Variants in PCDHA9 observed in about 807,000 individuals in gnomAD.
PCDHA9 encodes the protein protocadherin alpha 9.
A neutral mutation model predicts 62.0 loss-of-function variants in PCDHA9; 62 were observed. That is an observed-to-expected ratio of 1.00 (90% CI 0.81 to 1.23). PCDHA9 has a LOEUF of 1.23. Among genes scored for constraint, PCDHA9 ranks in the 50% most tolerant of loss-of-function variants. PCDHA9 has a pLI of 0.00. For missense variants in PCDHA9, 1,205 were observed against 1,249.8 expected (o/e 0.96, Z 0.54); for synonymous variants, 557 against 567.6 (o/e 0.98, Z 0.27).
chr5:140,852,333 A>G, intron 1 of PCDHA9: 1 of 262,614 alleles, frequency 3.8e-6, no homozygotes, highest in Non-Finnish European at 6.4e-6. Context: ...GCTGGAGTAC[A>G]GTGGCATGAT....
chr5:140,870,595 T>C, intron 1 of PCDHA9: 3 of 1,613,242 alleles, frequency 1.9e-6, no homozygotes, highest in Non-Finnish European at 2.5e-6. Flanking sequence ...GGAGCGGCGG[T>C]TGGGCGACCG....
chr5:140,853,120 C>T lies in PCDHA9; in HGVS notation c.2394+2231C>T, dbSNP rs1036865431. The T allele has an allele frequency of 1.7e-4, 85 of 494,062 alleles. 4 individuals carry two copies. Among genetic ancestry groups the T allele is most frequent in the Middle Eastern group, 1.0e-3 (1 of 976 alleles). 30.6% of individuals were successfully genotyped at this position (494,062 alleles called of 1,614,324 possible). On this transcript the variant is annotated intron_variant, in intron 1 of 3. Coordinates refer to ENST00000532602, the MANE Select transcript of PCDHA9 (RefSeq NM_031857.2). Reference sequence around the variant, plus strand: ...GGTCTCGATCTCCTGACCTCATGATCCTCCCGCCTCAGCCTCCCAAAATGC... The same window carrying T: ...GGTCTCGATCTCCTGACCTCATGATTCTCCCGCCTCAGCCTCCCAAAATGC...
At chr5:140,903,690 T>C (rs2070508211) in intron 1 of PCDHA9, among the ~76,000 whole-genome samples, 1 of 152,224 alleles carries the variant, frequency 6.6e-6, no homozygotes, top group African/African-American at 2.4e-5. Context: ...TGGTAAATAG[T>C]TTAAAATAGT....
intron 1 of PCDHA9, among the ~76,000 whole-genome samples, chr5:140,898,020 AC>A (rs1483113036): frequency 6.6e-6 from 1 of 152,078 alleles, no homozygotes; most frequent in Non-Finnish European, 1.5e-5. Flanking sequence ...TCCTTTGCCC[AC>A]TTTTTGATGG....
At chr5:140,915,362 A>C (rs2077085780) in intron 1 of PCDHA9, among the ~76,000 whole-genome samples, 2 of 152,274 alleles carry the variant, frequency 1.3e-5, no homozygotes, top group East Asian at 3.9e-4. Flanking sequence ...TATTCTTACC[A>C]GTAAGTGTCT....
At chr5:140,863,196 G>T (rs782500346) in intron 1 of PCDHA9, 2 of 874,852 alleles carry the variant, frequency 2.3e-6, no homozygotes, top group Non-Finnish European at 3.6e-6. Context: ...TGGTGGCGTC[G>T]CTGGCGGAGA....
At chr5:140,951,672 T>C (rs1242247980) in intron 1 of PCDHA9, among the ~76,000 whole-genome samples, 1 of 152,114 alleles carries the variant, frequency 6.6e-6, no homozygotes, top group Non-Finnish European at 1.5e-5. Flanking sequence ...GCCTACAAAA[T>C]TGGGGATTAC....
At chr5:140,923,020 G>A (rs946669637) in intron 1 of PCDHA9, among the ~76,000 whole-genome samples, 6 of 152,228 alleles carry the variant, frequency 3.9e-5, no homozygotes, top group Admixed American at 1.3e-4. Context: ...CTGCAGTTTC[G>A]GACTCTATTA....
chr5:140,933,413 T>A (rs2089136962), intron 1 of PCDHA9, among the ~76,000 whole-genome samples: 3 of 152,056 alleles, frequency 2.0e-5, no homozygotes, highest in Non-Finnish European at 4.4e-5. Flanking sequence ...TCTACAGATA[T>A]TCTGTGTTCA....
chr5:140,989,517 G>A (rs782479733), intron 3 of PCDHA9, among the ~76,000 whole-genome samples: 4 of 152,186 alleles, frequency 2.6e-5, no homozygotes, highest in Non-Finnish European at 5.9e-5. Flanking sequence ...CCTGAGTTGA[G>A]GGCAGAGGAG....
chr5:140,928,172 C>T (rs782267454), intron 1 of PCDHA9: 1 of 1,614,200 alleles, frequency 6.2e-7, no homozygotes, highest in South Asian at 1.1e-5. Flanking sequence ...CCACTTAGCA[C>T]CCGAAGGACA....
chr5:141,009,494 A>G (rs1554262180), intron 3 of PCDHA9, 133 bp from the exon 4 acceptor site: 16 of 1,488,800 alleles, frequency 1.1e-5, no homozygotes, highest in Non-Finnish European at 1.4e-5. Flanking sequence ...TTGCCCTCAG[A>G]CTTGAACAAA....
chr5:141,009,482 C>A, intron 3 of PCDHA9, 145 bp from the exon 4 acceptor site: 1 of 1,446,086 alleles, frequency 6.9e-7, no homozygotes, highest in Non-Finnish European at 9.1e-7. Flanking sequence ...TAAACACTTG[C>A]CTTGCCCTCA....
Position 140,928,034 on chromosome 5 carries a change from G to T in PCDHA9, c.2395-50915G>T. 3 of 1,614,206 alleles carry T rather than the reference G, an allele frequency of 1.9e-6. No homozygotes were observed. Among genetic ancestry groups the T allele is most frequent in the Non-Finnish European group, 2.5e-6 (3 of 1,180,036 alleles). Reference sequence around the variant, plus strand: ...GGTAGGGTCATTTGTGGCATGTCTAGTGCAGGCCCTTTTCAGCTGACGGCT... The same window carrying T: ...GGTAGGGTCATTTGTGGCATGTCTATTGCAGGCCCTTTTCAGCTGACGGCT... On this transcript the variant is annotated intron_variant, in intron 1 of 3. Transcript: ENST00000532602.
At chr5:140,898,930 G>A (rs2067050521) in intron 1 of PCDHA9, among the ~76,000 whole-genome samples, 1 of 152,054 alleles carries the variant, frequency 6.6e-6, no homozygotes, top group African/African-American at 2.4e-5. Context: ...GGATTCCTAA[G>A]TATTTTATTC....
At chr5:140,929,317 A>G in intron 1 of PCDHA9, 1 of 1,549,080 alleles carries the variant, frequency 6.5e-7, no homozygotes, top group South Asian at 1.2e-5. Flanking sequence ...CGCTAATGTC[A>G]ATGCCATGGT....
intron 1 of PCDHA9, among the ~76,000 whole-genome samples, chr5:140,889,484 A>G (rs2062245315): frequency 6.6e-6 from 1 of 152,158 alleles, no homozygotes; most frequent in Admixed American, 6.5e-5. Context: ...TACTTTCTAC[A>G]GAATCTATAG....
chr5:140,970,752 T>A (rs1324041619), intron 1 of PCDHA9, among the ~76,000 whole-genome samples: 1 of 152,244 alleles, frequency 6.6e-6, no homozygotes, highest in Non-Finnish European at 1.5e-5. Context: ...CAATATATTT[T>A]CATTGACATA....
At chr5:140,862,288 G>A in intron 1 of PCDHA9, 1 of 264,980 alleles carries the variant, frequency 3.8e-6, no homozygotes, top group East Asian at 9.0e-5. Context: ...CTGTACAGGA[G>A]GACGCTCCAC....
Sources: gnomAD v4.1 joint callset for allele counts (sites outside exome capture counted in the v4.1 genomes callset) on GRCh38, gnomAD v4.1.1 for gene constraint, MANE v1.5 for transcripts, NCBI Gene and HGNC (gene_info 2026-07-23, HGNC 2026-07-21) for gene names.